Variants in SKAP1 observed in about 807,000 individuals in gnomAD.
SKAP1 encodes the protein src kinase-associated phosphoprotein 1.
In SKAP1, 44 loss-of-function variants were observed where a neutral mutation model predicts 58.5. The ratio of observed to expected loss-of-function variants is 0.75; its 90% CI spans 0.59 to 0.97. The LOEUF (loss-of-function observed/expected upper bound fraction) is 0.97. SKAP1 is among the 50% of genes least tolerant of loss of function. The probability of loss-of-function intolerance (pLI) is 0.00; values close to 1 mark genes in which losing one functional copy is unlikely to be tolerated. For synonymous variants in SKAP1, 127 were observed against 149.7 expected (o/e 0.85, Z 1.11); for missense variants, 390 against 435.2 (o/e 0.90, Z 0.92).
chr17:48,438,204 C>T, the SKAP1 span, among the ~76,000 whole-genome samples: 11 of 152,122 alleles, frequency 7.2e-5, no homozygotes, highest in African/African-American at 9.7e-5. Context: ...CAATTTCCTC[C>T]GCTGTAAAAT....
chr17:48,409,702 G>A (rs947409088), intron 1 of SKAP1, among the ~76,000 whole-genome samples: 6 of 150,036 alleles, frequency 4.0e-5, no homozygotes, highest in African/African-American at 1.2e-4. Flanking sequence ...GAACTCTCAA[G>A]CTAGAAAAAG....
At chr17:48,172,581 T>C (rs1024395959) in intron 9 of SKAP1, among the ~76,000 whole-genome samples, 4 of 152,180 alleles carry the variant, frequency 2.6e-5, no homozygotes, top group Non-Finnish European at 5.9e-5. Flanking sequence ...ATATGCACAG[T>C]AGATAGGGTA....
chr17:48,169,752 AGAG>A (rs2064185217), intron 10 of SKAP1, among the ~76,000 whole-genome samples: 1 of 152,162 alleles, frequency 6.6e-6, no homozygotes, highest in South Asian at 2.1e-4. Flanking sequence ...AGGAAAGGAG[AGAG>A]GAGAATAGGA....
chr17:48,286,900 A>G (rs1438508976), intron 4 of SKAP1, among the ~76,000 whole-genome samples: 1 of 152,196 alleles, frequency 6.6e-6, no homozygotes, highest in Non-Finnish European at 1.5e-5. Flanking sequence ...GGTCGAGACC[A>G]GCCTGGCCAA....
At chr17:48,331,474 C>T (rs1321297734) in intron 4 of SKAP1, among the ~76,000 whole-genome samples, 2 of 151,742 alleles carry the variant, frequency 1.3e-5, no homozygotes, top group East Asian at 1.9e-4. Flanking sequence ...CCAAGGTGGG[C>T]GGATCACCTG....
At chr17:48,321,583 T>A (rs976369836) in intron 4 of SKAP1, among the ~76,000 whole-genome samples, 1 of 152,018 alleles carries the variant, frequency 6.6e-6, no homozygotes, top group African/African-American at 2.4e-5. Flanking sequence ...TTTCACCGTG[T>A]TAGCCAGGAT....
chr17:48,264,851 T>A (rs1277606481), intron 4 of SKAP1, among the ~76,000 whole-genome samples: 2 of 152,040 alleles, frequency 1.3e-5, no homozygotes, highest in Non-Finnish European at 2.9e-5. Flanking sequence ...CTTCTGATTT[T>A]CCTCTTGGGA....
chr17:48,413,163 T>G (rs1218828432), intron 1 of SKAP1, among the ~76,000 whole-genome samples: 1 of 152,024 alleles, frequency 6.6e-6, no homozygotes, highest in Non-Finnish European at 1.5e-5. Flanking sequence ...AGTATAACTC[T>G]GATACCAAAA....
At chr17:48,175,065 G>A (rs1408993107) in intron 9 of SKAP1, among the ~76,000 whole-genome samples, 1 of 152,166 alleles carries the variant, frequency 6.6e-6, no homozygotes, top group Non-Finnish European at 1.5e-5. Context: ...ACACTAATGA[G>A]AGGCTGAGAG....
intron 3 of SKAP1, among the ~76,000 whole-genome samples, chr17:48,356,365 C>T (rs143947133): frequency 1.3e-5 from 2 of 152,222 alleles, no homozygotes; most frequent in African/African-American, 2.4e-5. Context: ...TACTACCATG[C>T]TGTTTTTTTG....
chr17:48,346,509 A>C (rs566726310), intron 3 of SKAP1, among the ~76,000 whole-genome samples: 71 of 152,124 alleles, frequency 4.7e-4, no homozygotes, highest in Middle Eastern at 3.4e-3. Context: ...CTGTAATCCC[A>C]GCTACTTGGG....
chr17:48,153,024 GAC>G (rs10537609), intron 11 of SKAP1, among the ~76,000 whole-genome samples: 45,990 of 150,430 alleles, frequency 0.31, 7,537 homozygotes, highest in African/African-American at 0.4. Flanking sequence ...TGTGCACATG[GAC>G]ACACACACAC....
chr17:48,355,888 T>C (rs1462218657), intron 3 of SKAP1, among the ~76,000 whole-genome samples: 2 of 151,892 alleles, frequency 1.3e-5, no homozygotes, highest in African/African-American at 4.8e-5. Context: ...TATACCAACG[T>C]TCTCAAACAT....
chr17:48,274,405 A>T (rs1344723949), intron 4 of SKAP1, among the ~76,000 whole-genome samples: 1 of 151,742 alleles, frequency 6.6e-6, no homozygotes, highest in East Asian at 1.9e-4. Flanking sequence ...CAAAAAAAAA[A>T]ATTTTTTTTG....
chr17:48,416,272 C>T (rs1253226093), intron 1 of SKAP1, among the ~76,000 whole-genome samples: 2 of 151,984 alleles, frequency 1.3e-5, no homozygotes, highest in African/African-American at 2.4e-5. Context: ...ACTCTGAATA[C>T]TTTGAAGCAG....
At chr17:48,356,126 T>C (rs889444669) in intron 3 of SKAP1, among the ~76,000 whole-genome samples, 2 of 152,152 alleles carry the variant, frequency 1.3e-5, no homozygotes, top group Admixed American at 6.5e-5. Context: ...TGGTGGCTCA[T>C]GCCTGTAGTC....
chr17:48,362,652 C>T lies in SKAP1; in HGVS notation c.178+1137G>A, dbSNP rs1598614285. On this transcript the variant is annotated intron_variant, in intron 3 of 12. Transcript: ENST00000336915. Reference sequence around the variant, plus strand: ...AATAGTGTAAGTGCTCCAACTTTAACTTATGAGAGTCAAGAAGCTTTGAAA... The same window carrying T: ...AATAGTGTAAGTGCTCCAACTTTAATTTATGAGAGTCAAGAAGCTTTGAAA... Among the ~76,000 whole-genome samples the T allele has an allele frequency of 2.0e-5, 3 of 152,174 alleles. No individual in the cohort carries two copies. The South Asian group carries it at 6.2e-4, about 31-fold the overall frequency.
chr17:48,150,345 G>T (rs912154102), intron 11 of SKAP1, among the ~76,000 whole-genome samples: 7 of 152,178 alleles, frequency 4.6e-5, no homozygotes, highest in African/African-American at 1.7e-4. Flanking sequence ...TAAGCAGAAA[G>T]AATGAAAATA....
intron 4 of SKAP1, among the ~76,000 whole-genome samples, chr17:48,311,036 C>CA (rs2066217034): frequency 6.6e-6 from 1 of 152,202 alleles, no homozygotes; most frequent in Admixed American, 6.5e-5. Flanking sequence ...GCCGCCCCCC[C>CA]AGGCTGAGCC....
Sources: gnomAD v4.1 joint callset for allele counts (sites outside exome capture counted in the v4.1 genomes callset) on GRCh38, gnomAD v4.1.1 for gene constraint, MANE v1.5 for transcripts, NCBI Gene and HGNC (gene_info 2026-07-23, HGNC 2026-07-21) for gene names.